The following AP1G2 variants were observed in gnomAD, a reference collection of about 807,000 sequenced individuals.
The protein encoded by AP1G2 is adaptor related protein complex 1 subunit gamma 2.
In AP1G2, 85 loss-of-function variants were observed where a neutral mutation model predicts 95.8. The observed-to-expected ratio is 0.89, with a 90% CI of 0.74 to 1.06. AP1G2 has a LOEUF of 1.06. Ranked by LOEUF, AP1G2 falls within the 50% of genes least tolerant of loss-of-function variation. AP1G2 has a pLI of 0.00. For missense variants in AP1G2, 967 were observed against 1,005.8 expected, an observed-to-expected ratio of 0.96 and a Z score of 0.52; for synonymous variants, 378 against 400.0, an observed-to-expected ratio of 0.94 and a Z score of 0.66.
Position 23,565,851 on chromosome 14 carries a change from C to A in AP1G2, c.610G>T (p.Glu204Ter), listed in dbSNP as rs138395869. 4 of 1,574,846 alleles carry A rather than the reference C, an allele frequency of 2.5e-6. No homozygotes were observed. In the South Asian group the frequency reaches 3.6e-5, roughly 14 times the overall value. Residue 204 changes from glutamate (E) to a stop codon, truncating the protein, a stop_gained, in exon 6 of 22, where the codon GAA (glutamate) becomes TAA (stop). Coordinates refer to ENST00000397120, the MANE Select transcript of AP1G2 (RefSeq NM_003917.5). LOFTEE classifies it high-confidence loss of function. Reference sequence around the variant, plus strand: ...TGCCTGAGGGCTGCAGGGCTTCGTTCGCAGAGCTCCGTGATCAGCGTGATG... The same window carrying A: ...TGCCTGAGGGCTGCAGGGCTTCGTTAGCAGAGCTCCGTGATCAGCGTGATG... ...GTITLITELC[E>*]RSPAALRHFR...
At chr14:23,564,733 A>C in intron 8 of AP1G2, 73 bp from the exon 9 acceptor site, 3 of 1,400,824 alleles carry the variant, frequency 2.1e-6, no homozygotes, top group Non-Finnish European at 3.0e-6. Flanking sequence ...ACAGGGTCTC[A>C]CTCTGTCGCC....
intron 7 of AP1G2, 60 bp downstream of exon 7, chr14:23,565,546 C>T: frequency 1.4e-6 from 2 of 1,435,616 alleles, no homozygotes; most frequent in Non-Finnish European, 2.0e-6. Context: ...AACCACTGGT[C>T]ATGGTCTTAC....
In AP1G2 at chr14:23,562,336, G is replaced by A. The variant is rs753591811; in HGVS notation, c.1580C>T (p.Ala527Val). The change falls in exon 16 of 22, where the codon GCC (alanine) becomes GTC (valine). Residue 527 changes from alanine (A) to valine (V), a missense_variant. Ala to Val is a moderately conservative substitution (Grantham distance 64). Transcript: ENST00000397120. ...HMSLPATRGY[A>V]LTALMKLSTR... is the part of the protein sequence containing the mutation. ...GCTGAGCTTCATGAGGGCTGTGAGG[G>A]CATATCCTCGAGTGGCTGGCAGGGA... The A allele has an allele frequency of 1.5e-5, 24 of 1,614,088 alleles. No homozygotes were observed. In the South Asian group the frequency reaches 2.5e-4, roughly 17 times the overall value.
rs772550436 is a variant in AP1G2, at chr14:23,566,072, C to T, written c.560G>A (p.Arg187His). The T allele has an allele frequency of 1.7e-5, 27 of 1,614,044 alleles. No homozygotes were observed. Among genetic ancestry groups the T allele is most frequent in the Middle Eastern group, 3.3e-4 (2 of 6,084 alleles). ...LPPCAQLLHE[R>H]HHGILLGTIT... The stretch of plus-strand genomic sequence containing the variant: ...GGGCCCCACAGCCTTACCATGGTGA[C>T]GCTCATGAAGCAGTTGGGCACAGGG... Residue 187 changes from arginine (R) to histidine (H), a missense_variant, in exon 5 of 22, where the codon CGT becomes CAT. Transcript: ENST00000397120.
chr14:23,565,666 C>T lies in AP1G2; in HGVS notation c.681G>A (p.Leu227=), dbSNP rs1209160637. 1.2e-6 allele frequency: 2 copies of T among 1,614,184 alleles called. No individual in the cohort carries two copies. The highest frequency in any genetic ancestry group is 1.7e-6 in the Non-Finnish European group (2 of 1,180,024). The change falls in exon 7 of 22, where the codon CTG becomes CTA. Residue 227 remains leucine, a synonymous_variant. Transcript: ENST00000397120. Reference sequence around the variant, plus strand: ...GTTCTGTGGAGTATCCCATTGTCACCAGAGTCCGGAGGATGTGTACCAGCT... The same window carrying T: ...GTTCTGTGGAGTATCCCATTGTCACTAGAGTCCGGAGGATGTGTACCAGCT... ...VPQLVHILRT[L]VTMGYSTEHS...
intron 3 of AP1G2, 62 bp downstream of exon 3, chr14:23,566,500 G>C: frequency 6.2e-7 from 1 of 1,608,084 alleles, no homozygotes; most frequent in Non-Finnish European, 8.5e-7. Flanking sequence ...AGTCCCCTGG[G>C]ATTTCCAAGG....
rs759380694 is a variant in AP1G2, at chr14:23,565,847, C to T, written c.614G>A (p.Arg205Gln). ...GAAGTGCCTGAGGGCTGCAGGGCTT[C>T]GTTCGCAGAGCTCCGTGATCAGCGT... Reference protein sequence around the residue: ...TITLITELCERSPAALRHFRK... With the variant: ...TITLITELCEQSPAALRHFRK... Residue 205 changes from arginine (R) to glutamine (Q), a missense_variant, in exon 6 of 22, where the codon CGA (arginine) becomes CAA (glutamine). Coordinates refer to ENST00000397120, the MANE Select transcript of AP1G2 (RefSeq NM_003917.5). 5.7e-6 allele frequency: 9 copies of T among 1,575,006 alleles called. No individual in the cohort carries two copies. The highest frequency in any genetic ancestry group is 2.7e-5 in the African/African-American group (2 of 74,330).
intron 17 of AP1G2, 69 bp downstream of exon 17, chr14:23,561,892 TA>T: frequency 6.5e-7 from 1 of 1,534,460 alleles, no homozygotes; most frequent in Non-Finnish European, 8.8e-7. Context: ...GAGGCCCTTG[TA>T]CCTAGAAAAG....
In AP1G2 at chr14:23,567,045, G is replaced by A; in HGVS notation, c.204+66C>T. On this transcript the variant is annotated intron_variant, in intron 2 of 21. Coordinates refer to ENST00000397120, the MANE Select transcript of AP1G2 (RefSeq NM_003917.5). This position sits in a 1 kb window ranked among gnomAD's most constrained non-coding sequence, Gnocchi z 5.3. ...AAAAAACCAGGGCATAAACAGGTGA[G>A]AGAGTCTGGGACTCTGCCCCACTAG... 1 of 1,501,888 alleles carries A rather than the reference G, an allele frequency of 6.7e-7. No individual in the cohort carries two copies. The highest frequency in any genetic ancestry group is 1.2e-5 in the South Asian group (1 of 82,794). The allele number at this position is 1,501,888 out of a possible 1,614,324, so 93.0% of individuals were successfully genotyped here.
rs763824425 is a variant in AP1G2 at position 23,561,514 on chromosome 14, G to T, written c.1855C>A (p.Gln619Lys). Residue 619 changes from glutamine to lysine, a missense_variant and splice_region_variant, in exon 18 of 22, where the codon CAG becomes AAG. Gln to Lys is a moderately conservative substitution (Grantham distance 53, BLOSUM62 1). Coordinates refer to ENST00000397120, the MANE Select transcript of AP1G2 (RefSeq NM_003917.5). ...SEAAPVPTEP[Q>K]ASQLLDLLDL... ...CCCAGAGTTTCTAGCCTTCTCACCT[G>T]GGGCTCTGTGGGCACTGGGGCTGCT... 1 of 1,614,172 alleles carries T rather than the reference G, an allele frequency of 6.2e-7. No individual in the cohort carries two copies.
In AP1G2 at chr14:23,561,509, C is replaced by T; in HGVS notation, c.1857+3G>A. ...CCTACCCCAGAGTTTCTAGCCTTCT[C>T]ACCTGGGGCTCTGTGGGCACTGGGG... On this transcript the variant is annotated splice_donor_region_variant and intron_variant, in intron 18 of 21. Transcript: ENST00000397120. 5 of 1,614,198 alleles carry T rather than the reference C, an allele frequency of 3.1e-6. No homozygotes were observed. The highest frequency in any genetic ancestry group is 4.2e-6 in the Non-Finnish European group (5 of 1,180,036).
At chr14:23,564,960 A>G in intron 8 of AP1G2, 159 bp downstream of exon 8, 1 of 744,924 alleles carries the variant, frequency 1.3e-6, no homozygotes, top group East Asian at 2.7e-5. Context: ...GGGCAATAGC[A>G]CTAAGACAGA....
intron 8 of AP1G2, 54 bp from the exon 9 acceptor site, chr14:23,564,714 T>A: frequency 6.5e-7 from 1 of 1,534,626 alleles, no homozygotes; most frequent in Non-Finnish European, 9.0e-7. Flanking sequence ...CAGGTCTCCT[T>A]TTTTTGATAC....
Position 23,565,670 on chromosome 14 carries a change from G to A in AP1G2, c.677C>T (p.Thr226Ile). Residue 226 changes from threonine (T) to isoleucine (I), a missense_variant, in exon 7 of 22, where the codon ACT becomes ATT. Physicochemically the swap from Thr to Ile is moderately conservative, Grantham distance 89. Transcript: ENST00000397120. ...VVPQLVHILR[T>I]LVTMGYSTEH... ...TGTGGAGTATCCCATTGTCACCAGA[G>A]TCCGGAGGATGTGTACCAGCTGGGG... is the stretch of plus-strand genomic sequence containing the variant. The A allele has an allele frequency of 6.2e-7, 1 of 1,614,210 alleles. No homozygotes were observed. Among genetic ancestry groups the A allele is most frequent in the South Asian group, 1.1e-5 (1 of 91,084 alleles).
chr14:23,560,187 C>T (rs2139046534), intron 20 of AP1G2, 68 bp downstream of exon 20: 15 of 1,574,320 alleles, frequency 9.5e-6, no homozygotes, highest in Non-Finnish European at 1.3e-5. Context: ...CTCCCACCCA[C>T]CTCCTCCACT....
intron 20 of AP1G2, 61 bp downstream of exon 20, chr14:23,560,194 C>T: frequency 1.3e-6 from 2 of 1,584,736 alleles, no homozygotes; most frequent in African/African-American, 1.3e-5. Flanking sequence ...CCACCTCCTC[C>T]ACTTAGTGGC....
chr14:23,567,087 G>A lies in AP1G2; in HGVS notation c.204+24C>T, dbSNP rs1478096681. ...CCCCACTAGCCTTCATCAAGCTCAGGAGGGAGGTATTCCTGGCCAGTACCT... is the reference window on the plus strand; with the variant it reads ...CCCCACTAGCCTTCATCAAGCTCAGAAGGGAGGTATTCCTGGCCAGTACCT... On this transcript the variant is annotated intron_variant, in intron 2 of 21. Coordinates refer to ENST00000397120, the MANE Select transcript of AP1G2 (RefSeq NM_003917.5). The surrounding 1 kb of genome is among the most constrained non-coding windows in gnomAD (Gnocchi z 5.3). 6.2e-7 allele frequency: 1 copy of A among 1,601,716 alleles called. No individual in the cohort carries two copies. Among genetic ancestry groups the A allele is most frequent in the Non-Finnish European group, 8.5e-7 (1 of 1,174,746 alleles).
intron 17 of AP1G2, 45 bp from the exon 18 acceptor site, chr14:23,561,680 C>T: frequency 6.2e-7 from 1 of 1,605,202 alleles, no homozygotes; most frequent in South Asian, 1.1e-5. Flanking sequence ...GTCTCTGGGC[C>T]TTTCACAAGA....
At chr14:23,560,551 A>G (rs1883786119) in intron 19 of AP1G2, 133 bp from the exon 20 acceptor site, 1 of 935,108 alleles carries the variant, frequency 1.1e-6, no homozygotes. Flanking sequence ...GTAGACATGT[A>G]GATGAGGATG....
Sources: allele counts gnomAD v4.1 joint callset, GRCh38; gene constraint gnomAD v4.1.1; non-coding constraint Gnocchi (gnomAD v3.1); transcripts MANE v1.5; gene names NCBI Gene and HGNC (gene_info 2026-07-23, HGNC 2026-07-21).